Variants in IFT43 observed in about 807,000 individuals in gnomAD.
The protein encoded by IFT43 is intraflagellar transport 43, also known as intraflagellar transport protein 43 homolog.
Under a neutral mutation model 32.3 loss-of-function variants are expected in IFT43, and 33 were observed. That is an observed-to-expected ratio of 1.02 (90% CI 0.77 to 1.37). The LOEUF (loss-of-function observed/expected upper bound fraction) is 1.37, where lower values mean the gene tolerates loss of function less well. IFT43 is among the 40% of genes most tolerant of loss of function. The pLI is 0.00. For synonymous variants in IFT43, 93 were observed against 98.2 expected, an observed-to-expected ratio of 0.95 and a Z score of 0.31; for missense variants, 274 against 265.9, an observed-to-expected ratio of 1.03 and a Z score of -0.21.
intron 3 of IFT43, among the ~76,000 whole-genome samples, chr14:76,027,102 G>A (rs1397286097): frequency 6.6e-6 from 1 of 152,006 alleles, no homozygotes; most frequent in African/African-American, 2.4e-5. Flanking sequence ...GTGGGAGGTC[G>A]GAAAGGATCA....
intron 2 of IFT43, among the ~76,000 whole-genome samples, chr14:76,001,737 C>G (rs944832448): frequency 6.6e-6 from 1 of 152,150 alleles, no homozygotes; most frequent in African/African-American, 2.4e-5. Flanking sequence ...TCTCGCACTT[C>G]TAGAAGCTGG....
At position 76,082,294 on chromosome 14, in the gene IFT43, G is replaced by C. The variant is rs2037525325; in HGVS notation, c.296-1G>C. ...AGTGTTGCCTCTGCCTCTCCTTGCA[G>C]ATATTCCTATCATTCCGGATCTGGA... On this transcript the variant is annotated splice_acceptor_variant, in intron 5 of 8. Transcript: ENST00000314067. LOFTEE classifies it high-confidence loss of function. 2 of 1,613,828 alleles carry C rather than the reference G, an allele frequency of 1.2e-6. No homozygotes were observed. The highest frequency in any genetic ancestry group is 8.5e-7 in the Non-Finnish European group (1 of 1,179,808).
chr14:76,080,911 TG>T (rs1412776567), intron 5 of IFT43, among the ~76,000 whole-genome samples: 2 of 152,200 alleles, frequency 1.3e-5, no homozygotes, highest in Non-Finnish European at 1.5e-5. Context: ...GTTCATTATT[TG>T]GGGGGTGGTG....
chr14:76,039,302 G>A (rs1227683800), intron 3 of IFT43, among the ~76,000 whole-genome samples: 1 of 152,080 alleles, frequency 6.6e-6, no homozygotes, highest in Admixed American at 6.5e-5. Flanking sequence ...GAGACTACAG[G>A]CGTGTGCCAC....
intron 3 of IFT43, among the ~76,000 whole-genome samples, chr14:76,055,389 C>T (rs2036993543): frequency 6.6e-6 from 1 of 151,744 alleles, no homozygotes; most frequent in South Asian, 2.1e-4. Flanking sequence ...AAATATACTT[C>T]ATGACTGGGT....
intron 2 of IFT43, among the ~76,000 whole-genome samples, chr14:76,008,952 C>A (rs976508999): frequency 6.6e-6 from 1 of 152,220 alleles, no homozygotes; most frequent in African/African-American, 2.4e-5. Context: ...TTCTGGACCT[C>A]CTGTCTTATT....
chr14:76,025,758 G>A (rs767422673), intron 3 of IFT43, among the ~76,000 whole-genome samples: 2 of 152,170 alleles, frequency 1.3e-5, no homozygotes, highest in Non-Finnish European at 2.9e-5. Flanking sequence ...GCAGAAGATT[G>A]AAACTGGACC....
Position 76,060,812 on chromosome 14 carries a change from T to G in IFT43, c.295+1439T>G, listed in dbSNP as rs550006457. On this transcript the variant is annotated intron_variant, in intron 5 of 8. Transcript: ENST00000314067. ...GGCCTTCTTTCTTTCTTCCCTCCCT[T>G]CCTCCCTCCCTCCCTTTCTTCCTTC... Among the ~76,000 whole-genome samples the G allele has an allele frequency of 6.6e-5, 9 of 137,084 alleles. 1 individual carries two copies. The highest frequency in any genetic ancestry group is 1.3e-4 in the African/African-American group (5 of 37,450). The allele number at this position is 137,084 out of a possible 152,430, so 89.9% of individuals were successfully genotyped here.
At chr14:76,049,356 A>G (rs757876900) in intron 3 of IFT43, among the ~76,000 whole-genome samples, 1 of 152,054 alleles carries the variant, frequency 6.6e-6, no homozygotes, top group Non-Finnish European at 1.5e-5. Context: ...CTCTAACCCT[A>G]CTAATCTCCC....
chr14:76,061,630 A>AT (rs1295739103), intron 5 of IFT43, among the ~76,000 whole-genome samples: 3 of 151,652 alleles, frequency 2.0e-5, no homozygotes, highest in African/African-American at 4.8e-5. Flanking sequence ...TATTTCACAT[A>AT]TTTTTTTCAG....
chr14:76,041,300 A>G (rs1191710115), intron 3 of IFT43, among the ~76,000 whole-genome samples: 1 of 152,212 alleles, frequency 6.6e-6, no homozygotes, highest in Non-Finnish European at 1.5e-5. Context: ...AGGGTCTTAG[A>G]AGGTCAGGAA....
intron 2 of IFT43, among the ~76,000 whole-genome samples, chr14:76,005,210 T>G (rs947975474): frequency 2.0e-5 from 3 of 152,228 alleles, no homozygotes; most frequent in African/African-American, 7.2e-5. Context: ...CTCTGAAAAG[T>G]GTTTATTTTT....
Position 76,083,239 on chromosome 14 carries a change from G to T in IFT43, c.457G>T (p.Asp153Tyr). Reference sequence around the variant, plus strand: ...TTTGCATTCACAGGATGGGGAGATCGACCTGAAACTCCTCACCAAAGTGCT... The same window carrying T: ...TTTGCATTCACAGGATGGGGAGATCTACCTGAAACTCCTCACCAAAGTGCT... ...SAIQTLDGEI[D>Y]LKLLTKVLAP... The change falls in exon 8 of 9, where the codon GAC (aspartate) becomes TAC (tyrosine). Residue 153 changes from aspartate (D) to tyrosine (Y), a missense_variant. Coordinates refer to ENST00000314067, the MANE Select transcript of IFT43 (RefSeq NM_001102564.3). 2 of 1,614,062 alleles carry T rather than the reference G, an allele frequency of 1.2e-6. No individual in the cohort carries two copies. Among genetic ancestry groups the T allele is most frequent in the South Asian group, 2.2e-5 (2 of 91,056 alleles).
rs141446599 is a variant in IFT43 at position 76,053,499 on chromosome 14, C to T, written c.216-5143C>T. On this transcript the variant is annotated intron_variant, in intron 3 of 8. Transcript: ENST00000314067. Reference sequence around the variant, plus strand: ...AAGACAACCGCCTTCACCTTCACATCGTCTACCTGAGAAGCCAAGCTTCTG... The same window carrying T: ...AAGACAACCGCCTTCACCTTCACATTGTCTACCTGAGAAGCCAAGCTTCTG... Among the ~76,000 whole-genome samples the T allele has an allele frequency of 1.4e-3, 218 of 152,290 alleles. 3 individuals are homozygous for T. The highest frequency in any genetic ancestry group is 4.8e-3 in the African/African-American group (198 of 41,566).
At chr14:76,021,659 G>A (rs888216501) in intron 2 of IFT43, among the ~76,000 whole-genome samples, 1 of 151,978 alleles carries the variant, frequency 6.6e-6, no homozygotes, top group African/African-American at 2.4e-5. Flanking sequence ...AGCAATTTTG[G>A]TTGTTTCTAG....
At chr14:76,004,430 C>T (rs2035945257) in intron 2 of IFT43, among the ~76,000 whole-genome samples, 1 of 151,962 alleles carries the variant, frequency 6.6e-6, no homozygotes, top group African/African-American at 2.4e-5. Flanking sequence ...CTTTTCTCCT[C>T]CCTCTGGCTG....
chr14:76,007,683 G>A (rs998779767), intron 2 of IFT43, among the ~76,000 whole-genome samples: 4 of 152,186 alleles, frequency 2.6e-5, no homozygotes, highest in South Asian at 2.1e-4. Context: ...TAAACAGAAA[G>A]GAGTTAAGAG....
At chr14:76,023,590 TATC>T (rs2036335564) in intron 3 of IFT43, among the ~76,000 whole-genome samples, 1 of 152,244 alleles carries the variant, frequency 6.6e-6, no homozygotes, top group South Asian at 2.1e-4. Flanking sequence ...TGTTGGCTAT[TATC>T]ATGATGATGA....
At chr14:76,032,579 C>T (rs1429087512) in intron 3 of IFT43, among the ~76,000 whole-genome samples, 7 of 152,188 alleles carry the variant, frequency 4.6e-5, no homozygotes, top group Admixed American at 3.9e-4. Context: ...CTATCTGCTG[C>T]AATGTAAGCT....
Sources: allele counts gnomAD v4.1 joint callset (sites outside exome capture counted in the v4.1 genomes callset), GRCh38; gene constraint gnomAD v4.1.1; transcripts MANE v1.5; gene names NCBI Gene and HGNC (gene_info 2026-07-23, HGNC 2026-07-21).